Variants in OTOP3 observed in about 807,000 individuals in gnomAD.
OTOP3 encodes the protein otopetrin 3.
In OTOP3, 41 loss-of-function variants were observed where a neutral mutation model predicts 50.8. That is an observed-to-expected ratio of 0.81 (90% confidence interval 0.63 to 1.05). The LOEUF is 1.05. OTOP3 is among the 50% of genes least tolerant of loss of function. The pLI, the probability that OTOP3 is intolerant of heterozygous loss-of-function variation, is 0.00. For synonymous variants in OTOP3, 320 were observed against 324.4 expected (o/e 0.99, Z 0.14); for missense variants, 788 against 760.8 (o/e 1.04, Z -0.42).
At chr17:74,948,350 C>T (rs1275664889) in intron 6 of OTOP3, among the ~76,000 whole-genome samples, 1 of 151,940 alleles carries the variant, frequency 6.6e-6, no homozygotes. Flanking sequence ...ACAGGGAGAC[C>T]CTGTCTCTAC....
At chr17:74,937,650 T>C (rs2039132614) in intron 1 of OTOP3, among the ~76,000 whole-genome samples, 2 of 152,194 alleles carry the variant, frequency 1.3e-5, no homozygotes, top group Admixed American at 1.3e-4. Flanking sequence ...GAAGGGTCTC[T>C]GTCCACAGCT....
intron 5 of OTOP3, 80 bp downstream of exon 5, chr17:74,943,804 C>T: frequency 2.5e-6 from 3 of 1,185,734 alleles, no homozygotes; most frequent in East Asian, 2.4e-5. Context: ...ATAAACGCTA[C>T]ACTCTCTAAA....
rs375725228 is a variant in OTOP3 at position 74,941,883 on chromosome 17, G to A, written c.437-18G>A. 30 of 1,594,782 alleles carry A rather than the reference G, an allele frequency of 1.9e-5. No homozygotes were observed. Among genetic ancestry groups the A allele is most frequent in the African/African-American group, 1.2e-4 (9 of 74,622 alleles). On this transcript the variant is annotated intron_variant, in intron 2 of 6. Transcript: ENST00000328801. ...CGGTTCCGCGCAGGTGCCAACGCCC[G>A]CCCACATGTCCGGCCAGGTTCCCTA... is the stretch of plus-strand genomic sequence containing the variant.
chr17:74,936,673 A>T (rs187785950), intron 1 of OTOP3, among the ~76,000 whole-genome samples: 1 of 152,272 alleles, frequency 6.6e-6, no homozygotes, highest in East Asian at 1.9e-4. Context: ...GACGGGGGAT[A>T]CTGTCAGGGC....
At position 74,949,360 on chromosome 17, in the gene OTOP3, G is replaced by T. The variant is rs757273724; in HGVS notation, c.1681G>T (p.Val561Phe). Reference protein sequence around the residue: ...AIVNFGLPLGVFYRMHSVGGL... With the variant: ...AIVNFGLPLGFFYRMHSVGGL... ...CGTCAACTTCGGCCTGCCTCTGGGGGTCTTCTACCGCATGCACTCTGTGGG... is the reference window on the plus strand; with the variant it reads ...CGTCAACTTCGGCCTGCCTCTGGGGTTCTTCTACCGCATGCACTCTGTGGG... Residue 561 changes from valine (V) to phenylalanine (F), a missense_variant, in exon 7 of 7, where the codon GTC (valine) becomes TTC (phenylalanine). Val to Phe is a conservative substitution (Grantham distance 50). Transcript: ENST00000328801. The T allele has an allele frequency of 2.2e-5, 35 of 1,614,016 alleles. No individual in the cohort carries two copies. Among genetic ancestry groups the T allele is most frequent in the Non-Finnish European group, 2.8e-5 (33 of 1,180,004 alleles).
intron 1 of OTOP3, among the ~76,000 whole-genome samples, chr17:74,938,063 T>TG (rs888514799): frequency 6.6e-6 from 1 of 151,750 alleles, no homozygotes; most frequent in Non-Finnish European, 1.5e-5. Context: ...GCAGGGGTGG[T>TG]GGGACAGGGA....
chr17:74,942,884 G>T (rs1453525269), intron 3 of OTOP3, among the ~76,000 whole-genome samples: 1 of 152,150 alleles, frequency 6.6e-6, no homozygotes, highest in Non-Finnish European at 1.5e-5. Flanking sequence ...GGCAGATCTT[G>T]CAGTGAGCCG....
Position 74,947,089 on chromosome 17 carries a change from C to T in OTOP3, c.1180C>T (p.Arg394Cys), listed in dbSNP as rs142183564. 2.1e-4 allele frequency: 335 copies of T among 1,614,040 alleles called. 1 individual carries two copies. The highest frequency in any genetic ancestry group is 2.6e-4 in the Non-Finnish European group (301 of 1,180,058). ...RELDTVKNPT[R>C]SLDVVLLMGA... ...GCTGGACACGGTCAAGAACCCTACC[C>T]GCAGCCTGGATGTGGTGCTGCTAAT... The change falls in exon 6 of 7, where the codon CGC (arginine) becomes TGC (cysteine). Residue 394 changes from arginine to cysteine, a missense_variant. By Grantham distance (180) the Arg-to-Cys change is radical (BLOSUM62 -3). Transcript: ENST00000328801.
intron 1 of OTOP3, among the ~76,000 whole-genome samples, chr17:74,936,712 C>T (rs183250445): frequency 1.3e-5 from 2 of 152,150 alleles, no homozygotes; most frequent in African/African-American, 2.4e-5. Flanking sequence ...GAACCTGGAA[C>T]CTTGTCCCCC....
At chr17:74,942,417 G>A (rs1250989699) in intron 3 of OTOP3, among the ~76,000 whole-genome samples, 1 of 149,424 alleles carries the variant, frequency 6.7e-6, no homozygotes, top group East Asian at 2.0e-4. Context: ...GATCACCTGA[G>A]GTCAGGAGTT....
At chr17:74,938,388 T>C (rs1455377667) in intron 1 of OTOP3, among the ~76,000 whole-genome samples, 4 of 151,800 alleles carry the variant, frequency 2.6e-5, no homozygotes, top group African/African-American at 7.3e-5. Context: ...CAGAGGACGA[T>C]GGGTGGTCAG....
At position 74,944,630 on chromosome 17, in the gene OTOP3, G is replaced by A. The variant is rs958886128; in HGVS notation, c.751+906G>A. 7.2e-5 allele frequency among the ~76,000 whole-genome samples: 11 copies of A among 152,286 alleles called. No individual in the cohort carries two copies. The East Asian group carries it at 1.9e-3, about 27-fold the overall frequency. Reference sequence around the variant, plus strand: ...AAATTACCCAGGCATGGTTGTGGGTGCCTGTAATCCCAGCTACTCAGGAGG... The same window carrying A: ...AAATTACCCAGGCATGGTTGTGGGTACCTGTAATCCCAGCTACTCAGGAGG... On this transcript the variant is annotated intron_variant, in intron 5 of 6. Transcript: ENST00000328801.
intron 1 of OTOP3, among the ~76,000 whole-genome samples, chr17:74,937,644 G>A (rs566935150): frequency 1.2e-4 from 18 of 152,224 alleles, no homozygotes; most frequent in African/African-American, 4.3e-4. Context: ...TAATGGGAAG[G>A]GTCTCTGTCC....
chr17:74,936,425 A>G (rs1288630264), intron 1 of OTOP3, among the ~76,000 whole-genome samples: 4 of 152,140 alleles, frequency 2.6e-5, no homozygotes, highest in African/African-American at 9.7e-5. Context: ...TTCATCGCCA[A>G]TCCAGCCGAG....
chr17:74,947,352 G>C lies in OTOP3; in HGVS notation c.1443G>C (p.Leu481Phe), dbSNP rs771708464. ...QEAEPPRRGS[L>F]LELGQGLQRA... ...CTGAGCCTCCCCGCAGAGGCTCCTT[G>C]CTGGAGCTGGGCCAGGGCCTGCAGC... The change falls in exon 6 of 7, where the codon TTG becomes TTC. Residue 481 changes from leucine to phenylalanine, a missense_variant. Physicochemically the swap from Leu to Phe is conservative, Grantham distance 22. Transcript: ENST00000328801. 2.5e-6 allele frequency: 4 copies of C among 1,613,056 alleles called. No homozygotes were observed. Among genetic ancestry groups the C allele is most frequent in the South Asian group, 2.2e-5 (2 of 91,080 alleles).
At position 74,947,158 on chromosome 17, in the gene OTOP3, G is replaced by T. The variant is rs36036654; in HGVS notation, c.1249G>T (p.Val417Leu). The change falls in exon 6 of 7, where the codon GTG (valine) becomes TTG (leucine). Residue 417 changes from valine to leucine, a missense_variant. Transcript: ENST00000328801. ...GATGGGCATCGCCTATTTCTCCATC[G>T]TGGCCATTGTGGCCAAGCGCCCGCA... ...GQMGIAYFSI[V>L]AIVAKRPHEL... 1 of 1,613,964 alleles carries T rather than the reference G, an allele frequency of 6.2e-7. No individual in the cohort carries two copies. Among genetic ancestry groups the T allele is most frequent in the East Asian group, 2.2e-5 (1 of 44,892 alleles).
chr17:74,947,664 T>C lies in OTOP3; in HGVS notation c.1566+189T>C, dbSNP rs899196036. 2.0e-5 allele frequency among the ~76,000 whole-genome samples: 3 copies of C among 152,228 alleles called. No individual in the cohort carries two copies. In the East Asian group the frequency reaches 5.8e-4, roughly 29 times the overall value. Reference sequence around the variant, plus strand: ...GTGCCAAGCACTTGGCTAAGTGCTCTTCACAAACAAATATGTAAGACATCC... The same window carrying C: ...GTGCCAAGCACTTGGCTAAGTGCTCCTCACAAACAAATATGTAAGACATCC... On this transcript the variant is annotated intron_variant, in intron 6 of 6. Coordinates refer to ENST00000328801, the MANE Select transcript of OTOP3 (RefSeq NM_001272005.2).
In OTOP3 at chr17:74,947,494, G is replaced by A. The variant is rs764575419; in HGVS notation, c.1566+19G>A. ...TATCACAGTAAGTGGCTGGGCTAAG[G>A]GGCCTGGAGGGTAGAGGTGGCCAGG... On this transcript the variant is annotated intron_variant, in intron 6 of 6. Coordinates refer to ENST00000328801, the MANE Select transcript of OTOP3 (RefSeq NM_001272005.2). The A allele has an allele frequency of 3.2e-6, 5 of 1,565,788 alleles. No homozygotes were observed. The highest frequency in any genetic ancestry group is 3.6e-5 in the Admixed American group (2 of 54,872).
intron 1 of OTOP3, among the ~76,000 whole-genome samples, chr17:74,938,358 C>A (rs1473476587): frequency 6.6e-6 from 1 of 151,902 alleles, no homozygotes; most frequent in African/African-American, 2.4e-5. Flanking sequence ...AGAGACAGAG[C>A]AAAGCACAGC....
Sources: gnomAD v4.1 joint callset for allele counts (sites outside exome capture counted in the v4.1 genomes callset) on GRCh38, gnomAD v4.1.1 for gene constraint, MANE v1.5 for transcripts, NCBI Gene and HGNC (gene_info 2026-07-23, HGNC 2026-07-21) for gene names.